Variants in SCMH1 observed in about 807,000 individuals in gnomAD.
The protein encoded by SCMH1 is Scm polycomb group protein homolog 1.
Under a neutral mutation model 70.8 loss-of-function variants are expected in SCMH1, and 37 were observed. The ratio of observed to expected loss-of-function variants is 0.52; its 90% CI spans 0.40 to 0.69. SCMH1 has a LOEUF of 0.69. Among genes scored for constraint, SCMH1 ranks in the 30% least tolerant of loss-of-function variants. The pLI, the probability that SCMH1 is intolerant of heterozygous loss-of-function variation, is 0.00. For missense variants in SCMH1, 607 were observed against 827.3 expected (o/e 0.73, Z 3.27); for synonymous variants, 292 against 307.4 (o/e 0.95, Z 0.52).
intron 2 of SCMH1, among the ~76,000 whole-genome samples, chr1:41,180,585 C>T (rs1278198909): frequency 2.6e-5 from 4 of 152,146 alleles, no homozygotes; most frequent in Non-Finnish European, 2.9e-5. Flanking sequence ...CATGAGTGAA[C>T]TCCCATTCAC....
At chr1:41,168,736 G>A (rs1646587317) in intron 2 of SCMH1, among the ~76,000 whole-genome samples, 1 of 149,420 alleles carries the variant, frequency 6.7e-6, no homozygotes. Context: ...TTGTCAGACT[G>A]GCCTCATGTA....
intron 4 of SCMH1, chr1:41,152,583 TCCCCCTAATA>T (rs1645163179): frequency 6.2e-7 from 1 of 1,613,500 alleles, no homozygotes; most frequent in Non-Finnish European, 8.5e-7. Context: ...ATTACCAGTC[TCCCCCTAATA>T]CCCACCTAGA....
chr1:41,046,179 T>C (rs555345295), intron 12 of SCMH1, among the ~76,000 whole-genome samples: 1 of 152,222 alleles, frequency 6.6e-6, no homozygotes, highest in East Asian at 1.9e-4. Flanking sequence ...GATAAGGATC[T>C]AGAAGAAATA....
chr1:41,239,727 C>T (rs766046084), intron 1 of SCMH1, among the ~76,000 whole-genome samples: 28 of 152,288 alleles, frequency 1.8e-4, no homozygotes, highest in Non-Finnish European at 2.8e-4. Flanking sequence ...AACTCCTTGA[C>T]TCAAACGGTC....
At position 41,118,434 on chromosome 1, in the gene SCMH1, C is replaced by G. The variant is rs376984864; in HGVS notation, c.413-1424G>C. 3.8e-4 allele frequency among the ~76,000 whole-genome samples: 58 copies of G among 152,256 alleles called. 2 individuals carry two copies. Among genetic ancestry groups the G allele is most frequent in the Non-Finnish European group, 2.9e-5 (2 of 67,998 alleles). ...GATCTAATAATCTCTTAAGAAGAAA[C>G]CAAACATGTCAACCGATAAACCCAA... On this transcript the variant is annotated intron_variant, in intron 6 of 14. Coordinates refer to ENST00000337495, the Ensembl canonical transcript of SCMH1.
chr1:41,121,553 A>T (rs1671953077), intron 6 of SCMH1, among the ~76,000 whole-genome samples: 1 of 152,158 alleles, frequency 6.6e-6, no homozygotes, highest in South Asian at 2.1e-4. Flanking sequence ...GGTAAGAGGA[A>T]ATCCTAATCT....
intron 8 of SCMH1, among the ~76,000 whole-genome samples, chr1:41,097,980 G>A (rs984073810): frequency 1.3e-5 from 2 of 152,166 alleles, no homozygotes; most frequent in African/African-American, 4.8e-5. Flanking sequence ...CTTAGCTGGT[G>A]CCTTGCATGT....
chr1:41,037,408 G>T, exon 13 of SCMH1: 1 of 1,614,214 alleles, frequency 6.2e-7, no homozygotes, highest in Non-Finnish European at 8.5e-7. Context: ...TTGGTGGGAG[G>T]CCACAGGATG....
chr1:41,206,034 G>T (rs962619976), intron 1 of SCMH1, among the ~76,000 whole-genome samples: 2 of 152,176 alleles, frequency 1.3e-5, no homozygotes, highest in African/African-American at 4.8e-5. Flanking sequence ...AATCCCATCT[G>T]TAGGTCACCA....
chr1:41,187,457 G>A (rs1488733920), intron 1 of SCMH1, among the ~76,000 whole-genome samples: 1 of 83,066 alleles, frequency 1.2e-5, no homozygotes, highest in African/African-American at 3.5e-5. Flanking sequence ...GTGAGACTTG[G>A]TCAAAAAAAA....
At chr1:41,080,850 TATGGG>T (rs1294005596) in intron 8 of SCMH1, among the ~76,000 whole-genome samples, 1 of 152,154 alleles carries the variant, frequency 6.6e-6, no homozygotes, top group Non-Finnish European at 1.5e-5. Context: ...CTTATTGAAT[TATGGG>T]ATAAAACAAA....
intron 1 of SCMH1, among the ~76,000 whole-genome samples, chr1:41,238,131 A>T (rs1474751315): frequency 6.6e-6 from 1 of 152,206 alleles, no homozygotes; most frequent in African/African-American, 2.4e-5. Context: ...TCTAGATCTG[A>T]ATTTTGGTGT....
At chr1:41,210,334 C>T (rs1424771452) in intron 1 of SCMH1, among the ~76,000 whole-genome samples, 1 of 152,166 alleles carries the variant, frequency 6.6e-6, no homozygotes, top group Non-Finnish European at 1.5e-5. Context: ...CAATGACTTT[C>T]TTTGCAAAAT....
In SCMH1 at chr1:41,159,582, T is replaced by A. The variant is rs533688673; in HGVS notation, c.106+1293A>T. 1.8e-5 allele frequency: 16 copies of A among 910,918 alleles called. No homozygotes were observed. The East Asian group carries it at 4.1e-4, about 23-fold the overall frequency. The allele number at this position is 910,918 out of a possible 1,614,324, so 56.4% of individuals were successfully genotyped here. On this transcript the variant is annotated intron_variant, in intron 4 of 14. Transcript: ENST00000337495. ...AAGTCACAAAACTGGTAAGTGGGAA[T>A]AGGAATTTGAACCTTGGTTCAAATT...
exon 9 of SCMH1, chr1:41,075,291 G>A (rs1163393976): frequency 1.2e-6 from 2 of 1,614,154 alleles, no homozygotes; most frequent in Admixed American, 1.7e-5. Context: ...GGGCAGAGAT[G>A]GGATGGGAAA....
At chr1:41,216,357 G>A (rs1658080974) in intron 1 of SCMH1, among the ~76,000 whole-genome samples, 1 of 152,172 alleles carries the variant, frequency 6.6e-6, no homozygotes, top group Non-Finnish European at 1.5e-5. Flanking sequence ...ACAGCTATCT[G>A]TTAAAAGTTA....
At chr1:41,210,378 C>A (rs1656717584) in intron 1 of SCMH1, among the ~76,000 whole-genome samples, 1 of 152,012 alleles carries the variant, frequency 6.6e-6, no homozygotes, top group Admixed American at 6.6e-5. Context: ...CGTATGGAAC[C>A]AAAAAAGAGC....
chr1:41,153,903 G>T (rs1469560295), intron 4 of SCMH1, among the ~76,000 whole-genome samples: 1 of 152,138 alleles, frequency 6.6e-6, no homozygotes, highest in East Asian at 1.9e-4. Flanking sequence ...AATAGGACAG[G>T]CACCAAGGTA....
intron 8 of SCMH1, among the ~76,000 whole-genome samples, chr1:41,103,962 C>G (rs1004461551): frequency 1.3e-5 from 2 of 152,094 alleles, no homozygotes; most frequent in African/African-American, 4.8e-5. Context: ...AGCATATAAC[C>G]AAGAAAAAAT....
Sources: gnomAD v4.1 joint callset for allele counts (sites outside exome capture counted in the v4.1 genomes callset) on GRCh38, gnomAD v4.1.1 for gene constraint, MANE v1.5 for transcripts, NCBI Gene and HGNC (gene_info 2026-07-23, HGNC 2026-07-21) for gene names.